The following NRG3 variants were observed in gnomAD, a reference collection of about 807,000 sequenced individuals.
The protein encoded by NRG3 is neuregulin 3.
NRG3 carries 31 observed loss-of-function variants against 66.9 expected under a neutral mutation model. That is an observed-to-expected ratio of 0.46 (90% confidence interval 0.35 to 0.63). NRG3 has a LOEUF of 0.63. Among genes scored for constraint, NRG3 ranks in the 20% least tolerant of loss-of-function variants. The pLI is 0.00. For synonymous variants in NRG3, 393 were observed against 359.4 expected, an observed-to-expected ratio of 1.09 and a Z score of -1.06; for missense variants, 910 against 878.9, an observed-to-expected ratio of 1.04 and a Z score of -0.45.
At chr10:82,820,354 T>C (rs2061896895) in intron 3 of NRG3, among the ~76,000 whole-genome samples, 1 of 152,246 alleles carries the variant, frequency 6.6e-6, no homozygotes, top group Admixed American at 6.5e-5. Flanking sequence ...CTTTCAGTTT[T>C]ATTTTTCTAC....
In NRG3 at chr10:82,124,220, C is replaced by T. The variant is rs180911675; in HGVS notation, c.824-234519C>T. On this transcript the variant is annotated intron_variant, in intron 1 of 8. Transcript: ENST00000372141. The stretch of plus-strand genomic sequence containing the variant: ...GATAGCGTTATGGAGAATTGGCTTT[C>T]GAACTGATGAATCCTGTATTTGGAA... Among the ~76,000 whole-genome samples, 236 of 151,972 alleles carry T rather than the reference C, an allele frequency of 1.6e-3. 1 individual carries two copies. The highest frequency in any genetic ancestry group is 5.3e-3 in the Admixed American group (81 of 15,230).
intron 2 of NRG3, among the ~76,000 whole-genome samples, chr10:82,683,558 C>T (rs937025531): frequency 2.6e-5 from 4 of 152,104 alleles, no homozygotes; most frequent in African/African-American, 9.7e-5. Flanking sequence ...AAATTGGTGT[C>T]TTTAAGATAA....
At chr10:82,269,067 C>T (rs1308258280) in intron 1 of NRG3, among the ~76,000 whole-genome samples, 3 of 152,138 alleles carry the variant, frequency 2.0e-5, no homozygotes, top group Admixed American at 6.6e-5. Flanking sequence ...AGTTTGTCTT[C>T]CTCCTACATT....
chr10:82,338,841 T>C (rs1242270193), intron 1 of NRG3, among the ~76,000 whole-genome samples: 1 of 152,176 alleles, frequency 6.6e-6, no homozygotes, highest in African/African-American at 2.4e-5. Context: ...AAAGTAGTAA[T>C]GCAAACCCAG....
At chr10:82,389,674 A>G (rs966875719) in intron 2 of NRG3, among the ~76,000 whole-genome samples, 3 of 152,190 alleles carry the variant, frequency 2.0e-5, no homozygotes, top group African/African-American at 4.8e-5. Context: ...ACATTTTGAA[A>G]TCAACATTAC....
chr10:82,827,973 G>A (rs909205700), intron 3 of NRG3, among the ~76,000 whole-genome samples: 2 of 152,026 alleles, frequency 1.3e-5, no homozygotes, highest in African/African-American at 4.8e-5. Context: ...TTTTAAAAGA[G>A]TGTTTTAGAT....
intron 3 of NRG3, among the ~76,000 whole-genome samples, chr10:82,760,808 A>C (rs2135056616): frequency 6.6e-6 from 1 of 152,180 alleles, no homozygotes; most frequent in East Asian, 1.9e-4. Flanking sequence ...TTTTTTAATA[A>C]GAAATCTATT....
chr10:81,973,058 C>G (rs1235518671), intron 1 of NRG3, among the ~76,000 whole-genome samples: 2 of 152,046 alleles, frequency 1.3e-5, no homozygotes, highest in Non-Finnish European at 2.9e-5. Flanking sequence ...TTTTCCTGAT[C>G]CTCTCCCTCC....
chr10:82,908,874 AG>A (rs1433398613), intron 4 of NRG3, among the ~76,000 whole-genome samples: 1 of 152,178 alleles, frequency 6.6e-6, no homozygotes, highest in South Asian at 2.1e-4. Flanking sequence ...CAGGAGGGAG[AG>A]GAAGCCAATG....
At chr10:82,382,525 AT>A (rs1251350901) in intron 2 of NRG3, among the ~76,000 whole-genome samples, 1 of 151,968 alleles carries the variant, frequency 6.6e-6, no homozygotes, top group Non-Finnish European at 1.5e-5. Flanking sequence ...TGTTAGGTAG[AT>A]TTTGAATTGT....
chr10:82,799,107 G>A (rs1053543051), intron 3 of NRG3, among the ~76,000 whole-genome samples: 1 of 152,208 alleles, frequency 6.6e-6, no homozygotes, highest in Non-Finnish European at 1.5e-5. Context: ...TATGCCAGGG[G>A]CTAGATAATT....
chr10:82,175,997 C>A (rs1589221109), intron 1 of NRG3, among the ~76,000 whole-genome samples: 2 of 152,214 alleles, frequency 1.3e-5, no homozygotes, highest in East Asian at 3.9e-4. Context: ...TTTCTTTTAG[C>A]CCATCATACT....
At chr10:82,576,536 C>T (rs766965672) in intron 2 of NRG3, among the ~76,000 whole-genome samples, 7 of 151,704 alleles carry the variant, frequency 4.6e-5, no homozygotes, top group Non-Finnish European at 8.9e-5. Flanking sequence ...CAGGCTGTCA[C>T]ATTGAAATAT....
At chr10:82,291,679 CA>C (rs747504600) in intron 1 of NRG3, among the ~76,000 whole-genome samples, 1 of 152,100 alleles carries the variant, frequency 6.6e-6, no homozygotes, top group Non-Finnish European at 1.5e-5. Flanking sequence ...TGATTTTTGA[CA>C]AAGGCACAAA....
At chr10:81,925,480 T>G (rs1409367868) in intron 1 of NRG3, among the ~76,000 whole-genome samples, 1 of 152,216 alleles carries the variant, frequency 6.6e-6, no homozygotes, top group East Asian at 1.9e-4. Flanking sequence ...GAATAATTGA[T>G]TATAATTATC....
At chr10:82,578,499 T>A (rs2046167832) in intron 2 of NRG3, among the ~76,000 whole-genome samples, 1 of 151,428 alleles carries the variant, frequency 6.6e-6, no homozygotes, top group South Asian at 2.1e-4. Flanking sequence ...TGTGCCAGAA[T>A]TGCCCCTTGA....
At chr10:82,427,219 T>A (rs1364969482) in intron 2 of NRG3, among the ~76,000 whole-genome samples, 1 of 152,206 alleles carries the variant, frequency 6.6e-6, no homozygotes, top group Non-Finnish European at 1.5e-5. Context: ...TATACTGCAA[T>A]GTTGAATATA....
intron 5 of NRG3, among the ~76,000 whole-genome samples, chr10:82,957,893 CGT>C (rs10547101): frequency 0.43 from 64,894 of 149,392 alleles, 14,725 homozygotes; most frequent in East Asian, 0.65. Flanking sequence ...AAGAGGTGTG[CGT>C]GTGTGTGTGT....
At chr10:81,937,686 C>G (rs994326382) in intron 1 of NRG3, among the ~76,000 whole-genome samples, 5 of 152,054 alleles carry the variant, frequency 3.3e-5, no homozygotes, top group African/African-American at 1.2e-4. Context: ...AATATCTTCT[C>G]TCATCCTCTA....
Sources: gnomAD v4.1 joint callset for allele counts (sites outside exome capture counted in the v4.1 genomes callset) on GRCh38, gnomAD v4.1.1 for gene constraint, MANE v1.5 for transcripts, NCBI Gene and HGNC (gene_info 2026-07-23, HGNC 2026-07-21) for gene names.